The following RBMS3 variants were observed in gnomAD, a reference collection of about 807,000 sequenced individuals.
RBMS3 encodes RNA-binding motif, single-stranded-interacting protein 3.
RBMS3 carries 27 observed loss-of-function variants against 66.8 expected under a neutral mutation model. The ratio of observed to expected loss-of-function variants is 0.40; its 90% CI spans 0.30 to 0.56. RBMS3 has a LOEUF of 0.56. Among genes scored for constraint, RBMS3 ranks in the 20% least tolerant of loss-of-function variants. The pLI, the probability that RBMS3 is intolerant of heterozygous loss-of-function variation, is 0.40. For missense variants in RBMS3, 513 were observed against 549.5 expected, an observed-to-expected ratio of 0.93 and a Z score of 0.66; for synonymous variants, 188 against 183.0, an observed-to-expected ratio of 1.03 and a Z score of -0.22.
At chr3:29,947,965 A>G (rs1194979119) in intron 12 of RBMS3, among the ~76,000 whole-genome samples, 13 of 151,426 alleles carry the variant, frequency 8.6e-5, no homozygotes, top group Admixed American at 4.0e-4. Context: ...TAGGTTTGAA[A>G]AAAATTTTTT....
chr3:29,526,635 C>T (rs1014881616), intron 3 of RBMS3, among the ~76,000 whole-genome samples: 7 of 141,724 alleles, frequency 4.9e-5, no homozygotes, highest in African/African-American at 7.6e-5. Flanking sequence ...TTTAGAGCCT[C>T]TTTTTAATAC....
At chr3:29,426,524 C>T (rs760201417) in intron 1 of RBMS3, among the ~76,000 whole-genome samples, 1 of 152,178 alleles carries the variant, frequency 6.6e-6, no homozygotes, top group African/African-American at 2.4e-5. Flanking sequence ...TTTTCAAAAA[C>T]TAACATTTAG....
chr3:29,713,544 C>T (rs1315964780), intron 4 of RBMS3, among the ~76,000 whole-genome samples: 1 of 152,106 alleles, frequency 6.6e-6, no homozygotes, highest in Non-Finnish European at 1.5e-5. Context: ...AGAAGAAAAG[C>T]AATAATATAT....
intron 6 of RBMS3, among the ~76,000 whole-genome samples, chr3:29,772,986 C>T (rs1156718881): frequency 6.6e-6 from 1 of 152,130 alleles, no homozygotes; most frequent in Admixed American, 6.6e-5. Flanking sequence ...AACTATCTGA[C>T]ACCATAAGTA....
intron 2 of RBMS3, among the ~76,000 whole-genome samples, chr3:29,457,155 C>T (rs978397552): frequency 6.6e-6 from 1 of 152,140 alleles, no homozygotes; most frequent in Non-Finnish European, 1.5e-5. Context: ...ACATCTTCTA[C>T]ACCTCCCTTC....
rs536456698 is a variant in RBMS3 at position 29,801,001 on chromosome 3, G to A, written c.637+38012G>A. 6.7e-5 allele frequency among the ~76,000 whole-genome samples: 8 copies of A among 119,556 alleles called. No homozygotes were observed. The South Asian group carries it at 1.4e-3, about 20-fold the overall frequency. 78.4% of individuals were successfully genotyped at this position (119,556 alleles called of 152,430 possible). On this transcript the variant is annotated intron_variant, in intron 6 of 14. Transcript: ENST00000383767. ...CTCAAGTGTGCATGCGTGCACACAC[G>A]CATGCACACACACACACACACACAC...
intron 12 of RBMS3, among the ~76,000 whole-genome samples, chr3:29,953,146 G>A (rs1159962311): frequency 6.6e-6 from 1 of 151,914 alleles, no homozygotes. Flanking sequence ...ACTTTGGGAA[G>A]GGTGTGAAGA....
chr3:29,690,200 A>G (rs2051917800), intron 4 of RBMS3, among the ~76,000 whole-genome samples: 1 of 152,146 alleles, frequency 6.6e-6, no homozygotes, highest in African/African-American at 2.4e-5. Flanking sequence ...CTATAATCAC[A>G]GCACTTTGGA....
intron 10 of RBMS3, among the ~76,000 whole-genome samples, chr3:29,923,327 TG>T (rs1303102316): frequency 2.0e-5 from 3 of 152,106 alleles, no homozygotes; most frequent in Non-Finnish European, 4.4e-5. Context: ...AACTAGCACA[TG>T]GGGATAGATG....
chr3:29,800,695 T>C (rs1309973174), intron 6 of RBMS3, among the ~76,000 whole-genome samples: 1 of 152,196 alleles, frequency 6.6e-6, no homozygotes, highest in Non-Finnish European at 1.5e-5. Flanking sequence ...AATTTCTGTT[T>C]ATTCAATAGT....
rs192421106 is a variant in RBMS3, at chr3:29,789,764, A to G, written c.637+26775A>G. On this transcript the variant is annotated intron_variant, in intron 6 of 14. Coordinates refer to ENST00000383767, the MANE Select transcript of RBMS3 (RefSeq NM_001003793.3). ...TTTATATTTTACCTGCCCCCTGCAT[A>G]TATGGGCATTTTATGATTTGTGCAT... 3.1e-3 allele frequency among the ~76,000 whole-genome samples: 470 copies of G among 152,280 alleles called. 1 individual carries two copies. Among genetic ancestry groups the G allele is most frequent in the African/African-American group, 9.9e-3 (413 of 41,560 alleles).
intron 4 of RBMS3, among the ~76,000 whole-genome samples, chr3:29,590,847 C>A (rs1256456707): frequency 6.6e-6 from 1 of 152,138 alleles, no homozygotes; most frequent in Non-Finnish European, 1.5e-5. Context: ...AGGATCAAGG[C>A]AGCTCTGCCA....
chr3:29,852,349 A>G (rs1023601164), intron 6 of RBMS3, among the ~76,000 whole-genome samples: 5 of 152,220 alleles, frequency 3.3e-5, no homozygotes, highest in Non-Finnish European at 2.9e-5. Context: ...TGCCCAGCAA[A>G]AGAGACAATC....
intron 1 of RBMS3, among the ~76,000 whole-genome samples, chr3:29,302,790 T>C (rs2033769712): frequency 6.6e-6 from 1 of 152,046 alleles, no homozygotes; most frequent in African/African-American, 2.4e-5. Context: ...GGATGCATTA[T>C]CACTTGTTAA....
chr3:29,567,586 AGGT>A (rs1300593772), intron 3 of RBMS3, among the ~76,000 whole-genome samples: 1 of 152,138 alleles, frequency 6.6e-6, no homozygotes, highest in Non-Finnish European at 1.5e-5. Context: ...TGTTATAGGA[AGGT>A]GACATTTATG....
At chr3:29,330,762 C>A (rs758969532) in intron 1 of RBMS3, among the ~76,000 whole-genome samples, 1 of 152,274 alleles carries the variant, frequency 6.6e-6, no homozygotes. Flanking sequence ...ATTATATAAG[C>A]ACACAGCACC....
At chr3:29,911,141 G>A (rs188250760) in intron 10 of RBMS3, among the ~76,000 whole-genome samples, 29 of 152,154 alleles carry the variant, frequency 1.9e-4, no homozygotes, top group Admixed American at 9.8e-4. Flanking sequence ...CACAGAGGAG[G>A]TAACTCCTGA....
chr3:29,734,727 C>G (rs1028596874), intron 4 of RBMS3, among the ~76,000 whole-genome samples: 1 of 152,010 alleles, frequency 6.6e-6, no homozygotes, highest in East Asian at 1.9e-4. Flanking sequence ...ATTGAGAGAA[C>G]GCATTTAAAA....
chr3:29,916,037 T>G (rs2060631329), intron 10 of RBMS3, among the ~76,000 whole-genome samples: 1 of 152,062 alleles, frequency 6.6e-6, no homozygotes, highest in Non-Finnish European at 1.5e-5. Context: ...TCCAACCATT[T>G]GATCCTGTCC....
Sources: gnomAD v4.1 joint callset for allele counts (sites outside exome capture counted in the v4.1 genomes callset) on GRCh38, gnomAD v4.1.1 for gene constraint, MANE v1.5 for transcripts, NCBI Gene and HGNC (gene_info 2026-07-23, HGNC 2026-07-21) for gene names.